Variants in C1orf167 observed in about 807,000 individuals in gnomAD.
C1orf167 encodes chromosome 1 open reading frame 167.
Under a neutral mutation model 176.5 loss-of-function variants are expected in C1orf167, and 153 were observed. The observed-to-expected ratio is 0.87, with a 90% CI of 0.76 to 0.99. The LOEUF (loss-of-function observed/expected upper bound fraction) is 0.99, where lower values mean the gene tolerates loss of function less well. C1orf167 is among the 50% of genes least tolerant of loss of function. C1orf167 has a pLI of 0.00. For missense variants in C1orf167, 1,490 were observed against 1,817.7 expected (o/e 0.82, Z 3.28); for synonymous variants, 594 against 752.7 (o/e 0.79, Z 3.45).
chr1:11,764,549 A>G (rs1642695226), intron 2 of C1orf167, 79 bp downstream of exon 2: 1 of 1,198,148 alleles, frequency 8.3e-7, no homozygotes, highest in African/African-American at 1.6e-5. Context: ...CCCCCCTCCC[A>G]GGCAGGCCAG....
In C1orf167 at chr1:11,766,089, G is replaced by A. The variant is rs1173577870; in HGVS notation, c.303G>A (p.Gln101=). Residue 101 remains glutamine, a synonymous_variant, in exon 3 of 21, where the codon CAG becomes CAA. Transcript: ENST00000688073. This position sits in a 1 kb window ranked among gnomAD's most constrained non-coding sequence, Gnocchi z 4.5. ...GQLVNSSFWQ[Q]SNLQSLARRR... is the part of the protein sequence containing the mutation. ...TGGTCAATTCAAGCTTCTGGCAACA[G>A]AGCAACCTGCAGTCCCTGGCCAGGA... is the stretch of plus-strand genomic sequence containing the variant. The A allele has an allele frequency of 4.7e-6, 6 of 1,289,782 alleles. No homozygotes were observed. Among genetic ancestry groups the A allele is most frequent in the East Asian group, 5.5e-5 (1 of 18,036 alleles). 79.9% of individuals were successfully genotyped at this position (1,289,782 alleles called of 1,614,324 possible).
At chr1:11,788,796 G>C (rs1178810966) in intron 20 of C1orf167, 50 bp downstream of exon 20, 1 of 1,292,966 alleles carries the variant, frequency 7.7e-7, no homozygotes, top group East Asian at 5.6e-5. Context: ...CACTCAGCCA[G>C]CCTTCCAGAA....
In C1orf167 at chr1:11,784,537, T is replaced by C. The variant is rs746793751; in HGVS notation, c.3369T>C (p.His1123=). The part of the protein sequence containing the change: ...CWTWCWALWV[H]ESCRGQVSRA... ...CTTGGTGCTGGGCTCTGTGGGTGCA[T>C]GAGTCCTGTCGGGGCCAGGTCAGCC... The change falls in exon 15 of 21, where the codon CAT becomes CAC. Residue 1123 remains histidine, a synonymous_variant. Transcript: ENST00000688073. 2 of 1,296,822 alleles carry C rather than the reference T, an allele frequency of 1.5e-6. No homozygotes were observed. The highest frequency in any genetic ancestry group is 1.5e-5 in the African/African-American group (1 of 65,740). 80.3% of individuals were successfully genotyped at this position (1,296,822 alleles called of 1,614,324 possible).
At chr1:11,763,958 C>G (rs1642656276) in intron 1 of C1orf167, among the ~76,000 whole-genome samples, 1 of 152,112 alleles carries the variant, frequency 6.6e-6, no homozygotes, top group Non-Finnish European at 1.5e-5. Context: ...AGGGGGGCAC[C>G]AAGATGGGAG....
intron 17 of C1orf167, 34 bp from the exon 18 acceptor site, chr1:11,787,839 C>A: frequency 8.3e-7 from 1 of 1,200,776 alleles, no homozygotes; most frequent in South Asian, 1.6e-5. Flanking sequence ...CCTGGACCCA[C>A]CTTAACCTCT....
At chr1:11,771,369 C>A (rs548600596) in intron 6 of C1orf167, among the ~76,000 whole-genome samples, 155 bp from the exon 7 acceptor site, 1 of 151,708 alleles carries the variant, frequency 6.6e-6, no homozygotes, top group African/African-American at 2.4e-5. Flanking sequence ...CTTTTAAATC[C>A]GACATAAAAT....
At chr1:11,780,714 G>C (rs926104211) in intron 13 of C1orf167, among the ~76,000 whole-genome samples, 1 of 152,202 alleles carries the variant, frequency 6.6e-6, no homozygotes, top group African/African-American at 2.4e-5. Context: ...AGTGGGCAGA[G>C]TCATGGTGCC....
At chr1:11,782,447 T>TG in intron 14 of C1orf167, 114 bp downstream of exon 14, 2 of 1,035,114 alleles carry the variant, frequency 1.9e-6, no homozygotes, top group Non-Finnish European at 2.4e-6. Context: ...GCCTGTGGCC[T>TG]GGGAAAAAAG....
chr1:11,763,206 G>A (rs577033119), intron 1 of C1orf167, among the ~76,000 whole-genome samples: 13 of 152,346 alleles, frequency 8.5e-5, no homozygotes, highest in South Asian at 2.1e-4. Context: ...TTGGGAGGCC[G>A]AGGCGGGCCA....
chr1:11,775,599 G>C lies in C1orf167; in HGVS notation c.2153G>C (p.Arg718Pro). The C allele has an allele frequency of 7.7e-7, 1 of 1,302,560 alleles. No homozygotes were observed. Among genetic ancestry groups the C allele is most frequent in the Non-Finnish European group, 1.0e-6 (1 of 988,172 alleles). The allele number at this position is 1,302,560 out of a possible 1,614,324, so 80.7% of individuals were successfully genotyped here. Reference protein sequence around the residue: ...GAKVTQLSLCRQKAGREAVYT... With the variant: ...GAKVTQLSLCPQKAGREAVYT... Reference sequence around the variant, plus strand: ...AAGGTGACCCAGCTGTCCCTCTGCCGGCAGAAAGCAGGTGAGCTAGTGTTG... The same window carrying C: ...AAGGTGACCCAGCTGTCCCTCTGCCCGCAGAAAGCAGGTGAGCTAGTGTTG... Residue 718 changes from arginine to proline, a missense_variant, in exon 9 of 21, where the codon CGG becomes CCG. Coordinates refer to ENST00000688073, the MANE Select transcript of C1orf167 (RefSeq NM_001010881.2).
At chr1:11,780,997 G>GTTTT (rs1436028985) in intron 13 of C1orf167, among the ~76,000 whole-genome samples, 1 of 81,518 alleles carries the variant, frequency 1.2e-5, no homozygotes, top group African/African-American at 4.1e-5. Flanking sequence ...GGCCCAACCA[G>GTTTT]TCTTTTTTTT....
intron 1 of C1orf167, among the ~76,000 whole-genome samples, 150 bp downstream of exon 1, chr1:11,762,455 A>G (rs1642555577): frequency 6.6e-6 from 1 of 151,978 alleles, no homozygotes; most frequent in Middle Eastern, 3.2e-3. Flanking sequence ...GGAGAAATGG[A>G]CCGAAGAGCT....
rs886045175 is a variant in C1orf167 at position 11,787,396 on chromosome 1, C to T, written c.3576C>T (p.Ser1192=). 5 of 1,296,382 alleles carry T rather than the reference C, an allele frequency of 3.9e-6. No individual in the cohort carries two copies. Among genetic ancestry groups the T allele is most frequent in the Non-Finnish European group, 5.1e-6 (5 of 984,908 alleles). 80.3% of individuals were successfully genotyped at this position (1,296,382 alleles called of 1,614,324 possible). A position where few individuals can be genotyped will look rare whatever the true frequency, so the allele number is the denominator to read the frequency against. The change falls in exon 17 of 21, where the codon AGC becomes AGT. Residue 1192 remains serine (S), a synonymous_variant. Coordinates refer to ENST00000688073, the MANE Select transcript of C1orf167 (RefSeq NM_001010881.2). ...LGLPGAGKTR[S]CWTQATELVP... The stretch of plus-strand genomic sequence containing the variant: ...TCTGGCTATTCCTTCAGACCCGCAG[C>T]TGCTGGACACAGGCCACAGAGCTGG...
intron 13 of C1orf167, 40 bp from the exon 14 acceptor site, chr1:11,782,149 G>A (rs1455355092): frequency 5.7e-6 from 7 of 1,236,134 alleles, no homozygotes; most frequent in African/African-American, 1.6e-5. Context: ...AGAGGCTGGG[G>A]TGAGCACCCA....
intron 9 of C1orf167, 75 bp downstream of exon 9, chr1:11,775,685 T>C: frequency 8.1e-7 from 1 of 1,237,320 alleles, no homozygotes; most frequent in South Asian, 1.4e-5. Context: ...CAGTTGAATA[T>C]GTGAATTCTT....
At chr1:11,762,485 T>C (rs1161137007) in intron 1 of C1orf167, among the ~76,000 whole-genome samples, 180 bp downstream of exon 1, 3 of 151,476 alleles carry the variant, frequency 2.0e-5, no homozygotes, top group Non-Finnish European at 4.4e-5. Flanking sequence ...GGGGCAGGGG[T>C]GCAGGAAGGT....
At chr1:11,779,761 G>A (rs1557737155) in intron 12 of C1orf167, 41 bp from the exon 13 acceptor site, 1 of 1,264,760 alleles carries the variant, frequency 7.9e-7, no homozygotes, top group South Asian at 1.3e-5. Flanking sequence ...TGGGATTTGG[G>A]GGACAGTGGC....
rs1557735723 is a variant in C1orf167 at position 11,778,751 on chromosome 1, T to A, written c.2431T>A (p.Cys811Ser). Residue 811 changes from cysteine to serine, a missense_variant, in exon 11 of 21, where the codon TGC (cysteine) becomes AGC (serine). Cys to Ser is a moderately radical substitution (Grantham distance 112). Coordinates refer to ENST00000688073, the MANE Select transcript of C1orf167 (RefSeq NM_001010881.2). ...RALGPDATSS[C>S]TKTPSALEPL... is the part of the protein sequence containing the mutation. ...ACTGGGCCCAGATGCCACATCAAGC[T>A]GCACCAAGACCCCCTCGGCTCTGGA... 7.7e-7 allele frequency: 1 copy of A among 1,303,716 alleles called. No homozygotes were observed. 80.8% of individuals were successfully genotyped at this position (1,303,716 alleles called of 1,614,324 possible). A position where few individuals can be genotyped will look rare whatever the true frequency, so the allele number is the denominator to read the frequency against.
chr1:11,780,050 AG>A, intron 13 of C1orf167, 40 bp downstream of exon 13: 1 of 1,232,652 alleles, frequency 8.1e-7, no homozygotes, highest in Non-Finnish European at 1.1e-6. Flanking sequence ...GGGTGAGGGC[AG>A]GGCCAGGGTC....
Sources: gnomAD v4.1 joint callset for allele counts (sites outside exome capture counted in the v4.1 genomes callset) on GRCh38, gnomAD v4.1.1 for gene constraint, Gnocchi (gnomAD v3.1) non-coding constraint, MANE v1.5 for transcripts, NCBI Gene and HGNC (gene_info 2026-07-23, HGNC 2026-07-21) for gene names.